Variants in CCSER2 observed in about 807,000 individuals in gnomAD.
CCSER2 encodes coiled-coil serine rich protein 2.
A neutral mutation model predicts 92.3 loss-of-function variants in CCSER2; 46 were observed. The ratio of observed to expected loss-of-function variants is 0.50; its 90% CI spans 0.39 to 0.64. CCSER2 has a LOEUF of 0.64. Ranked by LOEUF, CCSER2 falls within the 30% of genes least tolerant of loss-of-function variation. The pLI, the probability that CCSER2 is intolerant of heterozygous loss-of-function variation, is 0.00. For synonymous variants in CCSER2, 433 were observed against 431.4 expected, an observed-to-expected ratio of 1.00 and a Z score of -0.04; for missense variants, 1,244 against 1,238.9, an observed-to-expected ratio of 1.00 and a Z score of -0.06.
chr10:84,342,694 T>G (rs1844260887), intron 1 of CCSER2, among the ~76,000 whole-genome samples: 1 of 152,052 alleles, frequency 6.6e-6, no homozygotes. Flanking sequence ...CACACATTCT[T>G]TTTTTTTGCG....
In CCSER2 at chr10:84,371,745, A is replaced by C; in HGVS notation, c.693A>C (p.Ser231=). Residue 231 remains serine, a synonymous_variant, in exon 2 of 10, where the codon TCA becomes TCC. Coordinates refer to ENST00000372088, the MANE Select transcript of CCSER2 (RefSeq NM_001284240.2). ...GTTTTTCACATTCCATTCAGAATTC[A>C]TTCCTTCCACCTTCATCTATAACCA... ...SQSFSHSIQN[S]FLPPSSITRS... is the part of the protein sequence containing the mutation. 6.2e-7 allele frequency: 1 copy of C among 1,613,546 alleles called. No homozygotes were observed. Among genetic ancestry groups the C allele is most frequent in the Non-Finnish European group, 8.5e-7 (1 of 1,179,708 alleles).
At chr10:84,335,109 A>G (rs1843757867) in intron 1 of CCSER2, among the ~76,000 whole-genome samples, 1 of 151,756 alleles carries the variant, frequency 6.6e-6, no homozygotes, top group Admixed American at 6.6e-5. Context: ...AACGATGGGC[A>G]TCTCAGGGTT....
At position 84,515,843 on chromosome 10, in the gene CCSER2, G is replaced by T. The variant is rs1418062573; in HGVS notation, c.*1576G>T. The T allele has an allele frequency of 6.6e-6, 1 of 152,188 alleles. No homozygotes were observed. The highest frequency in any genetic ancestry group is 2.4e-5 in the African/African-American group (1 of 41,430). The allele number at this position is 152,188 out of a possible 1,614,324, so 9.4% of individuals were successfully genotyped here. A position where few individuals can be genotyped will look rare whatever the true frequency, so the allele number is the denominator to read the frequency against. ...TATTTTAATACGCTGTAGAAGGTAG[G>T]TGTGGAACCTCCATGCTACCATGTG... On this transcript the variant is annotated 3_prime_UTR_variant, in exon 10 of 10. Transcript: ENST00000372088.
At chr10:84,507,275 C>A in intron 9 of CCSER2, 1 of 982,428 alleles carries the variant, frequency 1.0e-6, no homozygotes, top group Non-Finnish European at 1.2e-6. Flanking sequence ...CTCTGCTCTC[C>A]CATTATGCCA....
At chr10:84,496,521 G>A (rs760665156) in intron 9 of CCSER2, among the ~76,000 whole-genome samples, 5 of 151,982 alleles carry the variant, frequency 3.3e-5, no homozygotes, top group Admixed American at 1.3e-4. Flanking sequence ...TCCTGACCTC[G>A]TGATCTGCCC....
At chr10:84,385,783 A>G (rs1841168565) in intron 3 of CCSER2, among the ~76,000 whole-genome samples, 1 of 152,220 alleles carries the variant, frequency 6.6e-6, no homozygotes, top group African/African-American at 2.4e-5. Context: ...CAGCAGAAGA[A>G]ACAACAGAGT....
At chr10:84,475,824 A>G (rs1238316206) in intron 8 of CCSER2, among the ~76,000 whole-genome samples, 1 of 152,252 alleles carries the variant, frequency 6.6e-6, no homozygotes, top group South Asian at 2.1e-4. Context: ...ATACTTGATT[A>G]TATATTGAAT....
chr10:84,391,952 AT>A, intron 3 of CCSER2: 2 of 1,367,730 alleles, frequency 1.5e-6, no homozygotes, highest in South Asian at 2.3e-5. Flanking sequence ...TCCTTCATGG[AT>A]TTAAAAATCA....
At chr10:84,388,693 C>CA (rs1841356869) in intron 3 of CCSER2, among the ~76,000 whole-genome samples, 1 of 152,148 alleles carries the variant, frequency 6.6e-6, no homozygotes. Flanking sequence ...GACTGGAGTG[C>CA]AGATGGAGAT....
rs779409176 is a variant in CCSER2 at position 84,373,967 on chromosome 10, ACT to A, written c.1614+155_1614+156del. 94 of 1,420,852 alleles carry A rather than the reference ACT, an allele frequency of 6.6e-5. No homozygotes were observed. The East Asian group carries it at 1.1e-3, about 17-fold the overall frequency. 88.0% of individuals were successfully genotyped at this position (1,420,852 alleles called of 1,614,324 possible). A position where few individuals can be genotyped will look rare whatever the true frequency, so the allele number is the denominator to read the frequency against. ...TTGTTAAGAGCCTATAAAATATCTG[ACT>A]CTAATATGAAATAAAGCATGGAGAA... On this transcript the variant is annotated intron_variant, in intron 3 of 9. Transcript: ENST00000372088.
intron 9 of CCSER2, among the ~76,000 whole-genome samples, chr10:84,508,440 T>A (rs1376845096): frequency 6.6e-6 from 1 of 152,204 alleles, no homozygotes; most frequent in African/African-American, 2.4e-5. Flanking sequence ...TGAAATTCCA[T>A]TTCAGGGTAG....
chr10:84,441,734 A>AATT (rs1564667378), intron 6 of CCSER2, among the ~76,000 whole-genome samples: 4 of 106,410 alleles, frequency 3.8e-5, no homozygotes, highest in Non-Finnish European at 5.5e-5. Flanking sequence ...GACTGGGAAA[A>AATT]TGTTTTTTTT....
chr10:84,508,467 C>G (rs1849181561), intron 9 of CCSER2, among the ~76,000 whole-genome samples: 1 of 152,096 alleles, frequency 6.6e-6, no homozygotes, highest in South Asian at 2.1e-4. Flanking sequence ...TATTTTTACC[C>G]AATATCTCAC....
chr10:84,502,237 G>A (rs1848795268), intron 9 of CCSER2, among the ~76,000 whole-genome samples: 1 of 151,816 alleles, frequency 6.6e-6, no homozygotes, highest in South Asian at 2.1e-4. Flanking sequence ...GTAGTCAGAT[G>A]ATACTTGTCT....
chr10:84,498,317 C>T (rs527480193), intron 9 of CCSER2, among the ~76,000 whole-genome samples: 3 of 152,290 alleles, frequency 2.0e-5, no homozygotes, highest in East Asian at 3.9e-4. Flanking sequence ...CTGGGGTCAT[C>T]ACCTTATTCA....
intron 3 of CCSER2, among the ~76,000 whole-genome samples, chr10:84,407,351 A>G (rs1842430236): frequency 6.6e-6 from 1 of 151,266 alleles, no homozygotes; most frequent in Non-Finnish European, 1.5e-5. Flanking sequence ...TGCTTCCATC[A>G]TTTGTTTTAT....
chr10:84,331,392 C>G (rs1448517391), intron 1 of CCSER2, among the ~76,000 whole-genome samples: 2 of 152,204 alleles, frequency 1.3e-5, no homozygotes, highest in African/African-American at 4.8e-5. Context: ...AGAAACCTAA[C>G]CTTCACTATT....
chr10:84,502,436 A>G (rs1848811620), intron 9 of CCSER2, among the ~76,000 whole-genome samples: 1 of 146,330 alleles, frequency 6.8e-6, no homozygotes, highest in South Asian at 2.1e-4. Context: ...CAGTGGCCAG[A>G]TCTCAGCTCA....
Position 84,438,693 on chromosome 10 carries a change from C to T in CCSER2, c.2050C>T (p.Arg684Cys), listed in dbSNP as rs1564664317. 5 of 1,603,308 alleles carry T rather than the reference C, an allele frequency of 3.1e-6. No individual in the cohort carries two copies. Among genetic ancestry groups the T allele is most frequent in the East Asian group, 2.2e-5 (1 of 44,752 alleles). The change falls in exon 6 of 10, where the codon CGT becomes TGT. Residue 684 changes from arginine to cysteine, a missense_variant. Coordinates refer to ENST00000372088, the MANE Select transcript of CCSER2 (RefSeq NM_001284240.2). ...AAAAACTCAGTTACTCAAACTGAAA[C>T]GTCTCCTGCATCAGGTGAGTACATA... is the stretch of plus-strand genomic sequence containing the variant. Reference protein sequence around the residue: ...AVKTQLLKLKRLLHQHDGSGS... With the variant: ...AVKTQLLKLKCLLHQHDGSGS...
Sources: gnomAD v4.1 joint callset for allele counts (sites outside exome capture counted in the v4.1 genomes callset) on GRCh38, gnomAD v4.1.1 for gene constraint, MANE v1.5 for transcripts, NCBI Gene and HGNC (gene_info 2026-07-23, HGNC 2026-07-21) for gene names.